SPEF2: variants seen among roughly 807,000 people sequenced by gnomAD.
SPEF2 encodes the protein sperm flagellar and cilia associated 2, also known as sperm flagella and cilia-associated protein 2.
SPEF2 carries 187 observed loss-of-function variants against 224.6 expected under a neutral mutation model. The ratio of observed to expected loss-of-function variants is 0.83; its 90% CI spans 0.74 to 0.94. SPEF2 has a LOEUF of 0.94. SPEF2 is among the 40% of genes least tolerant of loss of function. The probability of loss-of-function intolerance (pLI) is 0.00; values close to 1 mark genes in which losing one functional copy is unlikely to be tolerated. For missense variants in SPEF2, 2,170 were observed against 2,135.6 expected, an observed-to-expected ratio of 1.02 and a Z score of -0.32; for synonymous variants, 715 against 707.3, an observed-to-expected ratio of 1.01 and a Z score of -0.17.
At chr5:35,724,472 A>T (rs1186654136) in intron 20 of SPEF2, among the ~76,000 whole-genome samples, 2 of 152,228 alleles carry the variant, frequency 1.3e-5, no homozygotes, top group Non-Finnish European at 2.9e-5. Context: ...AAATAGTAGT[A>T]TAAGAACTTC....
rs776987322 is a variant in SPEF2 at position 35,705,695 on chromosome 5, T to C, written c.2552T>C (p.Phe851Ser). 6.3e-7 allele frequency: 1 copy of C among 1,593,210 alleles called. No individual in the cohort carries two copies. Among genetic ancestry groups the C allele is most frequent in the Non-Finnish European group, 8.5e-7 (1 of 1,173,946 alleles). ...AACTGGCCTTTATTGGAGCAATGGTTTTCAGAGCCAGAAAATATTTTGATA... is the reference window on the plus strand; with the variant it reads ...AACTGGCCTTTATTGGAGCAATGGTCTTCAGAGCCAGAAAATATTTTGATA... Reference protein sequence around the residue: ...LDNWPLLEQWFSEPENILIKI... With the variant: ...LDNWPLLEQWSSEPENILIKI... Residue 851 changes from phenylalanine (F) to serine (S), a missense_variant, in exon 18 of 37, where the codon TTT becomes TCT. Physicochemically the swap from Phe to Ser is radical, Grantham distance 155. Transcript: ENST00000356031.
chr5:35,643,516 A>T (rs1395113125), intron 3 of SPEF2: 2 of 456,020 alleles, frequency 4.4e-6, no homozygotes. Flanking sequence ...GACTGGGGCC[A>T]CTTATCAGTT....
intron 1 of SPEF2, among the ~76,000 whole-genome samples, chr5:35,628,165 T>C (rs1422348749): frequency 1.3e-5 from 2 of 152,154 alleles, no homozygotes; most frequent in Admixed American, 1.3e-4. Flanking sequence ...TCTAATGTTA[T>C]TTATAAATTT....
At chr5:35,704,926 T>C (rs1315965385) in intron 17 of SPEF2, among the ~76,000 whole-genome samples, 3 of 152,096 alleles carry the variant, frequency 2.0e-5, no homozygotes, top group Non-Finnish European at 4.4e-5. Context: ...TATAAGTTAA[T>C]TATATGGAAT....
chr5:35,748,146 A>G (rs1404955702), intron 23 of SPEF2, among the ~76,000 whole-genome samples: 1 of 152,110 alleles, frequency 6.6e-6, no homozygotes, highest in Admixed American at 6.5e-5. Flanking sequence ...AATGACAGTG[A>G]CACAACCTAC....
chr5:35,772,749 A>C (rs1753049377), intron 27 of SPEF2, among the ~76,000 whole-genome samples: 1 of 152,192 alleles, frequency 6.6e-6, no homozygotes, highest in Non-Finnish European at 1.5e-5. Flanking sequence ...TAATGGAATC[A>C]CTGTTGGGGT....
At chr5:35,757,544 T>C (rs939371867) in intron 24 of SPEF2, among the ~76,000 whole-genome samples, 2 of 152,150 alleles carry the variant, frequency 1.3e-5, no homozygotes, top group African/African-American at 4.8e-5. Context: ...TTTGTACAAA[T>C]TGGGTTTCTA....
intron 17 of SPEF2, among the ~76,000 whole-genome samples, chr5:35,704,936 T>C (rs1385132838): frequency 1.3e-5 from 2 of 152,102 alleles, no homozygotes; most frequent in African/African-American, 4.8e-5. Flanking sequence ...TTATATGGAA[T>C]CCTGATTCAG....
Position 35,654,600 on chromosome 5 carries a change from C to A in SPEF2, c.852C>A (p.Tyr284Ter). Residue 284 changes from tyrosine to a stop codon, truncating the protein, a stop_gained, in exon 7 of 37, where the codon TAC (tyrosine) becomes TAA (stop). Coordinates refer to ENST00000356031, the MANE Select transcript of SPEF2 (RefSeq NM_024867.4). LOFTEE classifies it high-confidence loss of function. ...GQTTTDLLNTYSDDEYIKKIQ... is the reference protein window; with the variant it reads ...GQTTTDLLNT ...CAACCACCGATTTGTTAAATACTTACTCAGATGACGAGTACATTAAAAAAA... is the reference window on the plus strand; with the variant it reads ...CAACCACCGATTTGTTAAATACTTAATCAGATGACGAGTACATTAAAAAAA... The A allele has an allele frequency of 6.2e-7, 1 of 1,613,200 alleles. No homozygotes were observed.
chr5:35,781,565 T>C (rs1386052425), intron 30 of SPEF2: 1 of 152,166 alleles, frequency 6.6e-6, no homozygotes, highest in Non-Finnish European at 1.5e-5. Context: ...GAGGAGGCTT[T>C]CTCTGTGTGA....
chr5:35,755,210 A>G (rs1219110206), intron 24 of SPEF2, among the ~76,000 whole-genome samples: 1 of 152,242 alleles, frequency 6.6e-6, no homozygotes, highest in East Asian at 1.9e-4. Flanking sequence ...ACAGATCCAC[A>G]TGGCATGGGT....
intron 8 of SPEF2, among the ~76,000 whole-genome samples, chr5:35,664,651 G>C (rs2149464555): frequency 6.6e-6 from 1 of 151,400 alleles, no homozygotes; most frequent in African/African-American, 2.4e-5. Context: ...TTGCACTCCA[G>C]CTCTGGATGA....
At chr5:35,726,626 A>G (rs1744689843) in intron 20 of SPEF2, among the ~76,000 whole-genome samples, 1 of 152,222 alleles carries the variant, frequency 6.6e-6, no homozygotes, top group Admixed American at 6.5e-5. Context: ...AAAGCGGAAG[A>G]TGTATTTGCT....
At chr5:35,621,003 G>A (rs1254328340) in intron 1 of SPEF2, among the ~76,000 whole-genome samples, 1 of 152,170 alleles carries the variant, frequency 6.6e-6, no homozygotes, top group African/African-American at 2.4e-5. Context: ...TGGAAGATTG[G>A]TAGCTTTTCT....
chr5:35,675,452 C>CCCTA (rs996586815), intron 10 of SPEF2: 1 of 152,908 alleles, frequency 6.5e-6, no homozygotes, highest in African/African-American at 2.4e-5. Context: ...ACCTCTAACT[C>CCCTA]CCTAAATTCC....
chr5:35,775,033 T>C (rs1753412979), intron 28 of SPEF2, among the ~76,000 whole-genome samples: 1 of 152,212 alleles, frequency 6.6e-6, no homozygotes, highest in South Asian at 2.1e-4. Flanking sequence ...AAATGATTAT[T>C]GACTTTCCAC....
In SPEF2 at chr5:35,618,068, G is replaced by C. The variant is rs1263488381; in HGVS notation, c.58+13G>C. ...TCCCGGACCGTGAGTGAGTGACCACGGCCAGGGGCGAGCGTCTGAGGGGCT... is the reference window on the plus strand; with the variant it reads ...TCCCGGACCGTGAGTGAGTGACCACCGCCAGGGGCGAGCGTCTGAGGGGCT... On this transcript the variant is annotated intron_variant, in intron 1 of 36. Coordinates refer to ENST00000356031, the MANE Select transcript of SPEF2 (RefSeq NM_024867.4). The C allele has an allele frequency of 6.3e-7, 1 of 1,576,838 alleles. No homozygotes were observed. Among genetic ancestry groups the C allele is most frequent in the African/African-American group, 1.4e-5 (1 of 73,974 alleles).
chr5:35,635,790 C>T (rs1655506286), intron 2 of SPEF2, among the ~76,000 whole-genome samples: 1 of 152,198 alleles, frequency 6.6e-6, no homozygotes, highest in South Asian at 2.1e-4. Flanking sequence ...AGATTTGCTT[C>T]AGCCTCATAG....
intron 24 of SPEF2, among the ~76,000 whole-genome samples, chr5:35,757,020 A>G (rs1376440250): frequency 8.4e-6 from 1 of 119,638 alleles, no homozygotes; most frequent in Non-Finnish European, 2.0e-5. Flanking sequence ...TTTTAAATCT[A>G]AGATTCTGTC....
Sources: allele counts gnomAD v4.1 joint callset (sites outside exome capture counted in the v4.1 genomes callset), GRCh38; gene constraint gnomAD v4.1.1; transcripts MANE v1.5; gene names NCBI Gene and HGNC (gene_info 2026-07-23, HGNC 2026-07-21).